Variants in PTPRD observed in about 807,000 individuals in gnomAD.
PTPRD encodes receptor-type tyrosine-protein phosphatase delta.
PTPRD carries 34 observed loss-of-function variants against 214.5 expected under a neutral mutation model. That is an observed-to-expected ratio of 0.16 (90% CI 0.12 to 0.21). The LOEUF (loss-of-function observed/expected upper bound fraction) is 0.21. PTPRD is among the 10% of genes least tolerant of loss of function. The pLI, the probability that PTPRD is intolerant of heterozygous loss-of-function variation, is 1.00. For synonymous variants in PTPRD, 1,128 were observed against 845.7 expected (o/e 1.33, Z -5.79); for missense variants, 2,545 against 2,398.7 (o/e 1.06, Z -1.27).
intron 5 of PTPRD, among the ~76,000 whole-genome samples, chr9:9,806,648 G>T (rs1375969901): frequency 6.6e-6 from 1 of 151,954 alleles, no homozygotes; most frequent in African/African-American, 2.4e-5. Flanking sequence ...GCCCACTTGC[G>T]CCCAAGTGAA....
chr9:10,109,920 G>C (rs1454351163), intron 3 of PTPRD, among the ~76,000 whole-genome samples: 5 of 151,526 alleles, frequency 3.3e-5, no homozygotes, highest in South Asian at 2.1e-4. Context: ...CAAAATCCTA[G>C]CATTTTTCAG....
intron 37 of PTPRD, among the ~76,000 whole-genome samples, chr9:8,388,249 G>A (rs1402804863): frequency 6.6e-6 from 1 of 152,116 alleles, no homozygotes; most frequent in Non-Finnish European, 1.5e-5. Context: ...TCCATGTGTT[G>A]AGCTTAGAAG....
At chr9:9,872,542 A>T (rs1233076163) in intron 5 of PTPRD, among the ~76,000 whole-genome samples, 2 of 152,112 alleles carry the variant, frequency 1.3e-5, no homozygotes, top group Non-Finnish European at 1.5e-5. Context: ...TCGAGGCTAT[A>T]GTGAGTCACT....
intron 9 of PTPRD, among the ~76,000 whole-genome samples, chr9:9,202,802 C>G (rs1372499289): frequency 1.3e-5 from 2 of 152,170 alleles, no homozygotes; most frequent in Non-Finnish European, 2.9e-5. Flanking sequence ...CCACTTTGCT[C>G]TTGATCTTTG....
At chr9:10,060,173 A>G (rs1331504857) in intron 3 of PTPRD, among the ~76,000 whole-genome samples, 1 of 152,072 alleles carries the variant, frequency 6.6e-6, no homozygotes, top group Admixed American at 6.6e-5. Flanking sequence ...AAACTTGATG[A>G]TAATAACACA....
intron 7 of PTPRD, among the ~76,000 whole-genome samples, chr9:9,631,841 G>A (rs936538006): frequency 1.3e-4 from 20 of 152,004 alleles, no homozygotes; most frequent in African/African-American, 3.4e-4. Context: ...GCCACTTGCC[G>A]GGCAGTTATT....
At chr9:10,180,246 A>G (rs2154305816) in intron 3 of PTPRD, among the ~76,000 whole-genome samples, 1 of 152,214 alleles carries the variant, frequency 6.6e-6, no homozygotes, top group South Asian at 2.1e-4. Flanking sequence ...AGGCAACAGG[A>G]AGACCTAAAG....
At chr9:8,357,636 G>T (rs1049358977) in intron 39 of PTPRD, among the ~76,000 whole-genome samples, 2 of 152,156 alleles carry the variant, frequency 1.3e-5, no homozygotes, top group Non-Finnish European at 2.9e-5. Flanking sequence ...CAAGGAAAAT[G>T]AAGTTTTTTT....
chr9:8,767,365 C>T (rs2094836990), intron 11 of PTPRD, among the ~76,000 whole-genome samples: 3 of 152,266 alleles, frequency 2.0e-5, no homozygotes, highest in East Asian at 3.9e-4. Context: ...GATCCACCCG[C>T]CTTGGCCTCT....
chr9:10,133,976 T>G (rs532013240), intron 3 of PTPRD, among the ~76,000 whole-genome samples: 22 of 152,238 alleles, frequency 1.4e-4, no homozygotes, highest in African/African-American at 5.3e-4. Context: ...CAAGCAATGT[T>G]TTATCAAAAC....
intron 10 of PTPRD, among the ~76,000 whole-genome samples, chr9:9,040,567 A>C (rs764536830): frequency 7.2e-5 from 8 of 111,716 alleles, no homozygotes; most frequent in Non-Finnish European, 1.2e-4. Flanking sequence ...CATAAATAAC[A>C]GTTCCCGAAG....
intron 2 of PTPRD, among the ~76,000 whole-genome samples, chr9:10,352,000 A>C (rs2097192067): frequency 6.6e-6 from 1 of 151,990 alleles, no homozygotes; most frequent in South Asian, 2.1e-4. Flanking sequence ...TTGATAGGTA[A>C]ATCCTATTTC....
chr9:8,572,018 G>C (rs2091284020), intron 14 of PTPRD, among the ~76,000 whole-genome samples: 1 of 152,050 alleles, frequency 6.6e-6, no homozygotes, highest in African/African-American at 2.4e-5. Context: ...TGATGATATA[G>C]ATATTAAAGC....
At chr9:9,971,972 T>A (rs938315742) in intron 4 of PTPRD, among the ~76,000 whole-genome samples, 1 of 152,170 alleles carries the variant, frequency 6.6e-6, no homozygotes, top group Non-Finnish European at 1.5e-5. Context: ...GATCAATTAA[T>A]AAAATAACTG....
chr9:8,802,881 A>T (rs1161224274), intron 11 of PTPRD, among the ~76,000 whole-genome samples: 1 of 152,048 alleles, frequency 6.6e-6, no homozygotes, highest in Non-Finnish European at 1.5e-5. Context: ...GCAAGATCAC[A>T]TCTCTACAAA....
chr9:8,622,949 G>A (rs117576637), intron 14 of PTPRD, among the ~76,000 whole-genome samples: 3,074 of 151,460 alleles, frequency 0.02, 42 homozygotes, highest in Non-Finnish European at 0.032. Context: ...ACCAGCCTGG[G>A]CAATATAGCA....
intron 12 of PTPRD, among the ~76,000 whole-genome samples, chr9:8,673,187 A>G (rs891900632): frequency 6.6e-6 from 1 of 152,094 alleles, no homozygotes; most frequent in Admixed American, 6.5e-5. Flanking sequence ...TCTATGAAAC[A>G]CAGCGGCTGT....
At chr9:9,752,219 G>T (rs1410608505) in intron 6 of PTPRD, among the ~76,000 whole-genome samples, 1 of 152,024 alleles carries the variant, frequency 6.6e-6, no homozygotes, top group African/African-American at 2.4e-5. Flanking sequence ...AAGTATCTAT[G>T]CCATTTTGGC....
intron 10 of PTPRD, among the ~76,000 whole-genome samples, chr9:9,036,966 T>C (rs2099623853): frequency 6.6e-6 from 1 of 152,168 alleles, no homozygotes; most frequent in Non-Finnish European, 1.5e-5. Flanking sequence ...AAATGAAAGT[T>C]AAATTGGTTT....
Sources: gnomAD v4.1 joint callset for allele counts (sites outside exome capture counted in the v4.1 genomes callset) on GRCh38, gnomAD v4.1.1 for gene constraint, MANE v1.5 for transcripts, NCBI Gene and HGNC (gene_info 2026-07-23, HGNC 2026-07-21) for gene names.